SORCS3: variants seen among roughly 807,000 people sequenced by gnomAD.
The protein encoded by SORCS3 is VPS10 domain-containing receptor SorCS3.
A neutral mutation model predicts 146.3 loss-of-function variants in SORCS3; 57 were observed. The observed-to-expected ratio is 0.39, with a 90% CI of 0.31 to 0.49. The LOEUF is 0.49. SORCS3 is among the 20% of genes least tolerant of loss of function. SORCS3 has a pLI of 0.92. For missense variants in SORCS3, 1,341 were observed against 1,575.5 expected, an observed-to-expected ratio of 0.85 and a Z score of 2.52; for synonymous variants, 653 against 618.5, an observed-to-expected ratio of 1.06 and a Z score of -0.83.
chr10:104,672,455 G>A (rs950852861), intron 1 of SORCS3, among the ~76,000 whole-genome samples: 3 of 151,824 alleles, frequency 2.0e-5, no homozygotes, highest in African/African-American at 7.3e-5. Flanking sequence ...GTGTTTTTCT[G>A]TTCTCTGATC....
At chr10:105,240,491 C>T (rs903840232) in intron 20 of SORCS3, among the ~76,000 whole-genome samples, 1 of 152,200 alleles carries the variant, frequency 6.6e-6, no homozygotes, top group African/African-American at 2.4e-5. Context: ...TTAGTATTTG[C>T]TATGCTTGTT....
chr10:104,830,064 C>G (rs76815104), intron 1 of SORCS3, among the ~76,000 whole-genome samples: 1 of 152,026 alleles, frequency 6.6e-6, no homozygotes, highest in Admixed American at 6.6e-5. Flanking sequence ...CCCCCCAACC[C>G]CCGACAGGCC....
intron 6 of SORCS3, among the ~76,000 whole-genome samples, chr10:105,096,899 TATG>T (rs1307335316): frequency 6.6e-6 from 1 of 152,154 alleles, no homozygotes; most frequent in Non-Finnish European, 1.5e-5. Flanking sequence ...ATATTGATGA[TATG>T]ATGAAATGAT....
intron 1 of SORCS3, among the ~76,000 whole-genome samples, chr10:104,769,156 G>A (rs967376137): frequency 1.3e-5 from 2 of 152,232 alleles, no homozygotes; most frequent in Non-Finnish European, 2.9e-5. Context: ...GAGCCAACAT[G>A]TAGTGTGAGA....
At position 105,015,879 on chromosome 10, in the gene SORCS3, A is replaced by G. The variant is rs1386850453; in HGVS notation, c.955-27176A>G. 2.0e-5 allele frequency among the ~76,000 whole-genome samples: 3 copies of G among 151,236 alleles called. No individual in the cohort carries two copies. In the East Asian group the frequency reaches 6.0e-4, roughly 30 times the overall value. ...TGAGTAGCTGGGATTACAGGCGCAC[A>G]CCACCATGCCTGGCTAATTTTTATG... On this transcript the variant is annotated intron_variant, in intron 4 of 26. Transcript: ENST00000369701.
chr10:104,924,967 G>A (rs1183115495), intron 3 of SORCS3, among the ~76,000 whole-genome samples: 3 of 152,134 alleles, frequency 2.0e-5, no homozygotes, highest in African/African-American at 7.2e-5. Flanking sequence ...TGTTACATAG[G>A]TATACATGTG....
At chr10:104,948,344 T>G (rs1203079782) in intron 3 of SORCS3, among the ~76,000 whole-genome samples, 1 of 152,168 alleles carries the variant, frequency 6.6e-6, no homozygotes, top group Non-Finnish European at 1.5e-5. Flanking sequence ...TCATTACCAG[T>G]AAAATCAGAT....
chr10:105,224,951 G>A (rs556288654), intron 20 of SORCS3, among the ~76,000 whole-genome samples: 4 of 152,050 alleles, frequency 2.6e-5, no homozygotes, highest in African/African-American at 9.7e-5. Context: ...TACTTATTGA[G>A]TTTTAATAAT....
chr10:105,096,626 G>A (rs2055748519), intron 6 of SORCS3, among the ~76,000 whole-genome samples: 2 of 152,172 alleles, frequency 1.3e-5, no homozygotes, highest in South Asian at 4.1e-4. Flanking sequence ...AGTGACCGAA[G>A]GCTGCACAGA....
chr10:104,994,839 C>T (rs927459252), intron 4 of SORCS3, among the ~76,000 whole-genome samples: 8 of 152,100 alleles, frequency 5.3e-5, no homozygotes, highest in South Asian at 2.1e-4. Context: ...TTAGTTTATC[C>T]ATCCACATGT....
intron 25 of SORCS3, among the ~76,000 whole-genome samples, chr10:105,259,441 C>G (rs564908165): frequency 6.6e-6 from 1 of 152,246 alleles, no homozygotes; most frequent in African/African-American, 2.4e-5. Flanking sequence ...GTTCCAGGCA[C>G]TGGAAATGAT....
At chr10:104,902,237 A>AT (rs1352813999) in intron 2 of SORCS3, among the ~76,000 whole-genome samples, 2 of 152,150 alleles carry the variant, frequency 1.3e-5, no homozygotes, top group African/African-American at 4.8e-5. Context: ...AGTCCTGATG[A>AT]TTGTTAACTG....
intron 1 of SORCS3, among the ~76,000 whole-genome samples, chr10:104,813,595 G>C (rs2017763083): frequency 6.6e-6 from 1 of 152,172 alleles, no homozygotes; most frequent in Non-Finnish European, 1.5e-5. Context: ...GGACAGAACA[G>C]GGTGGCTCTC....
chr10:104,813,138 T>C (rs1165563740), intron 1 of SORCS3, among the ~76,000 whole-genome samples: 1 of 152,176 alleles, frequency 6.6e-6, no homozygotes, highest in Non-Finnish European at 1.5e-5. Context: ...TTTCCTTTGG[T>C]CTCTTAAATG....
intron 2 of SORCS3, among the ~76,000 whole-genome samples, chr10:104,894,696 A>G (rs569336902): frequency 2.6e-5 from 4 of 152,328 alleles, no homozygotes; most frequent in Non-Finnish European, 5.9e-5. Context: ...GAGGGATGGA[A>G]GAACAGTCAT....
At chr10:104,914,639 T>TA (rs1231124876) in intron 2 of SORCS3, among the ~76,000 whole-genome samples, 1 of 151,918 alleles carries the variant, frequency 6.6e-6, no homozygotes, top group South Asian at 2.1e-4. Context: ...ACCTGTCTCT[T>TA]AAAAAAAAGA....
intron 4 of SORCS3, among the ~76,000 whole-genome samples, chr10:105,003,540 GAAGTTATGTATA>G (rs2055073960): frequency 6.6e-6 from 1 of 152,032 alleles, no homozygotes; most frequent in African/African-American, 2.4e-5. Flanking sequence ...TGTGCAATTC[GAAGTTATGTATA>G]AATATTAGCT....
intron 16 of SORCS3, among the ~76,000 whole-genome samples, chr10:105,210,519 A>T (rs1347810733): frequency 6.6e-6 from 1 of 152,180 alleles, no homozygotes; most frequent in Admixed American, 6.5e-5. Flanking sequence ...CCTTTTCTAC[A>T]CTGCTCTGTT....
intron 5 of SORCS3, among the ~76,000 whole-genome samples, chr10:105,058,244 A>G (rs2055459305): frequency 6.6e-6 from 1 of 152,210 alleles, no homozygotes; most frequent in Admixed American, 6.5e-5. Flanking sequence ...AAAAGGCACC[A>G]CAGTGTGCAA....
Sources: allele counts gnomAD v4.1 joint callset (sites outside exome capture counted in the v4.1 genomes callset), GRCh38; gene constraint gnomAD v4.1.1; transcripts MANE v1.5; gene names NCBI Gene and HGNC (gene_info 2026-07-23, HGNC 2026-07-21).